The following RNF213 variants were observed in gnomAD, a reference collection of about 807,000 sequenced individuals.
RNF213 encodes the protein ring finger protein 213, also known as E3 ubiquitin-protein ligase RNF213.
Under a neutral mutation model 514.4 loss-of-function variants are expected in RNF213, and 341 were observed. The ratio of observed to expected loss-of-function variants is 0.66; its 90% CI spans 0.61 to 0.73. The LOEUF is 0.73. Among genes scored for constraint, RNF213 ranks in the 30% least tolerant of loss-of-function variants. The probability of loss-of-function intolerance (pLI) is 0.00; values close to 1 mark genes in which losing one functional copy is unlikely to be tolerated. For synonymous variants in RNF213, 2,655 were observed against 2,658.2 expected, an observed-to-expected ratio of 1.00 and a Z score of 0.04; for missense variants, 5,767 against 6,615.6, an observed-to-expected ratio of 0.87 and a Z score of 4.45.
At chr17:80,301,133 T>G (rs183681447) in intron 11 of RNF213, among the ~76,000 whole-genome samples, 1 of 152,232 alleles carries the variant, frequency 6.6e-6, no homozygotes, top group Non-Finnish European at 1.5e-5. Flanking sequence ...GTGCAAAAGC[T>G]CCTCAGTTTA....
At chr17:80,337,529 G>A in intron 23 of RNF213, 57 bp from the exon 24 acceptor site, 20 of 1,522,902 alleles carry the variant, frequency 1.3e-5, no homozygotes, top group Non-Finnish European at 1.7e-5. Context: ...ACAGGAGGGA[G>A]AAGGGCAAGA....
chr17:80,383,509 C>G (rs775550796), intron 58 of RNF213, among the ~76,000 whole-genome samples, 168 bp from the exon 59 acceptor site: 1 of 146,620 alleles, frequency 6.8e-6, no homozygotes, highest in South Asian at 2.1e-4. Context: ...CATCTATAAA[C>G]AAACAACACT....
intron 2 of RNF213, among the ~76,000 whole-genome samples, chr17:80,269,719 C>T (rs771036015): frequency 6.6e-6 from 1 of 152,050 alleles, no homozygotes; most frequent in African/African-American, 2.4e-5. Context: ...TCTATCCATT[C>T]ATCTATCCCA....
chr17:80,321,408 T>A (rs2046131355), intron 17 of RNF213: 1 of 152,250 alleles, frequency 6.6e-6, no homozygotes, highest in Admixed American at 6.5e-5. Flanking sequence ...TATCCATGTG[T>A]CCATTGACGG....
Position 80,347,623 on chromosome 17 carries a change from A to G in RNF213, c.9288A>G (p.Thr3096=). The G allele has an allele frequency of 5.6e-6, 9 of 1,614,146 alleles. No individual in the cohort carries two copies. Among genetic ancestry groups the G allele is most frequent in the Non-Finnish European group, 7.6e-6 (9 of 1,180,036 alleles). Residue 3096 remains threonine, a synonymous_variant, in exon 29 of 68, where the codon ACA becomes ACG. Coordinates refer to ENST00000582970, the MANE Select transcript of RNF213 (RefSeq NM_001256071.3). The surrounding 1 kb of genome is among the most constrained non-coding windows in gnomAD (Gnocchi z 7.2). ...NINRVKICME[T]GKMVLLLNLQ... ...ATCGTGTGAAGATCTGCATGGAAAC[A>G]GGCAAGATGGTGTTGCTTCTCAACC...
intron 1 of RNF213, among the ~76,000 whole-genome samples, chr17:80,262,002 TCAAA>T (rs1268238299): frequency 7.2e-6 from 1 of 138,864 alleles, no homozygotes; most frequent in Non-Finnish European, 1.6e-5. Flanking sequence ...GGTGAAACTG[TCAAA>T]CAAACAAAAA....
At chr17:80,336,124 A>G (rs1333217822) in intron 22 of RNF213, 37 bp from the exon 23 acceptor site, 2 of 1,493,882 alleles carry the variant, frequency 1.3e-6, no homozygotes, top group Admixed American at 2.0e-5. Flanking sequence ...CTATCGTGGA[A>G]TAGTCCCACG....
chr17:80,297,593 C>G (rs984139682), intron 10 of RNF213, among the ~76,000 whole-genome samples: 4 of 150,978 alleles, frequency 2.6e-5, no homozygotes, highest in African/African-American at 7.3e-5. Flanking sequence ...AAAAATAGAG[C>G]CGGCCAACAC....
intron 22 of RNF213, among the ~76,000 whole-genome samples, chr17:80,335,838 G>A (rs1283702729): frequency 1.3e-5 from 2 of 151,998 alleles, no homozygotes; most frequent in South Asian, 2.1e-4. Context: ...TTAGCCAGGC[G>A]TGGTGGTGGG....
At position 80,337,735 on chromosome 17, in the gene RNF213, T is replaced by C. The variant is rs1599052141; in HGVS notation, c.4668+9T>C. ...CCAAAGGTGGCCAAAAGGTGAGCGG[T>C]CCCCAGCCCTCGGCGCAGCTGCGGC... On this transcript the variant is annotated intron_variant, in intron 24 of 67. Coordinates refer to ENST00000582970, the MANE Select transcript of RNF213 (RefSeq NM_001256071.3). 6.5e-7 allele frequency: 1 copy of C among 1,537,248 alleles called. No homozygotes were observed. The highest frequency in any genetic ancestry group is 8.7e-7 in the Non-Finnish European group (1 of 1,146,912).
In RNF213 at chr17:80,353,320, G is replaced by C. The variant is rs1036336679; in HGVS notation, c.10424-192G>C. 6.2e-6 allele frequency: 5 copies of C among 801,828 alleles called. No homozygotes were observed. Among genetic ancestry groups the C allele is most frequent in the African/African-American group, 3.4e-5 (2 of 59,058 alleles). 49.7% of individuals were successfully genotyped at this position (801,828 alleles called of 1,614,324 possible). Reference sequence around the variant, plus strand: ...AGCACCTAGAACACGCCAGAGCCCAGGCTGGAAGGAAGGGGCTGCCTTGGG... The same window carrying C: ...AGCACCTAGAACACGCCAGAGCCCACGCTGGAAGGAAGGGGCTGCCTTGGG... On this transcript the variant is annotated intron_variant, in intron 33 of 67. Coordinates refer to ENST00000582970, the MANE Select transcript of RNF213 (RefSeq NM_001256071.3). This position sits in a 1 kb window ranked among gnomAD's most constrained non-coding sequence, Gnocchi z 5.0.
intron 48 of RNF213, 46 bp downstream of exon 48, chr17:80,372,780 T>A: frequency 6.3e-7 from 1 of 1,578,540 alleles, no homozygotes; most frequent in East Asian, 2.2e-5. Context: ...AAGACTCCGT[T>A]ATTTAGAAAT....
intron 11 of RNF213, 22 bp from the exon 12 acceptor site, chr17:80,306,230 C>T (rs8066993): frequency 0.26 from 424,816 of 1,608,106 alleles, 61,487 homozygotes; most frequent in African/African-American, 0.61. Flanking sequence ...CTCTTTTCTC[C>T]GTCCCTATTT....
chr17:80,308,897 A>C, intron 13 of RNF213, 121 bp from the exon 14 acceptor site: 1 of 1,203,486 alleles, frequency 8.3e-7, no homozygotes, highest in Non-Finnish European at 1.2e-6. Flanking sequence ...TAACCTAGAT[A>C]AGGTCAAACA....
chr17:80,372,782 T>C (rs2079567440), intron 48 of RNF213, 48 bp downstream of exon 48: 1 of 1,576,422 alleles, frequency 6.3e-7, no homozygotes, highest in Non-Finnish European at 8.7e-7. Flanking sequence ...GACTCCGTTA[T>C]TTAGAAATTC....
At chr17:80,389,678 G>A in intron 65 of RNF213, 150 bp from the exon 66 acceptor site, 2 of 752,910 alleles carry the variant, frequency 2.7e-6, no homozygotes, top group Non-Finnish European at 4.6e-6. Flanking sequence ...ATAGGACAGA[G>A]ATGGCCTTCA....
chr17:80,307,864 T>G (rs1028162020), intron 13 of RNF213, among the ~76,000 whole-genome samples: 10 of 151,660 alleles, frequency 6.6e-5, no homozygotes, highest in African/African-American at 9.7e-5. Flanking sequence ...GTTTTTTTTT[T>G]TTTTTTTTTT....
intron 3 of RNF213, among the ~76,000 whole-genome samples, chr17:80,280,927 G>A (rs919212483): frequency 1.3e-5 from 2 of 152,054 alleles, no homozygotes; most frequent in African/African-American, 4.8e-5. Flanking sequence ...CACGGAGCAT[G>A]AGATGTGAGC....
chr17:80,261,105 C>T (rs1252690096), intron 1 of RNF213, among the ~76,000 whole-genome samples: 1 of 152,044 alleles, frequency 6.6e-6, no homozygotes, highest in African/African-American at 2.4e-5. Flanking sequence ...TGACCCTGTT[C>T]CCCGGCTGCG....
Sources: allele counts gnomAD v4.1 joint callset (sites outside exome capture counted in the v4.1 genomes callset), GRCh38; gene constraint gnomAD v4.1.1; non-coding constraint Gnocchi (gnomAD v3.1); transcripts MANE v1.5; gene names NCBI Gene and HGNC (gene_info 2026-07-23, HGNC 2026-07-21).